Variants in TNRC6B observed in about 807,000 individuals in gnomAD.
TNRC6B encodes the protein trinucleotide repeat containing adaptor 6B, also known as trinucleotide repeat-containing gene 6B protein.
Under a neutral mutation model 203.6 loss-of-function variants are expected in TNRC6B, and 52 were observed. That is an observed-to-expected ratio of 0.26 (90% CI 0.20 to 0.32). The LOEUF (loss-of-function observed/expected upper bound fraction) is 0.32, where lower values mean the gene tolerates loss of function less well. Ranked by LOEUF, TNRC6B falls within the 10% of genes least tolerant of loss-of-function variation. The pLI, the probability that TNRC6B is intolerant of heterozygous loss-of-function variation, is 1.00. For synonymous variants in TNRC6B, 838 were observed against 845.7 expected, an observed-to-expected ratio of 0.99 and a Z score of 0.16; for missense variants, 1,923 against 2,286.2, an observed-to-expected ratio of 0.84 and a Z score of 3.24.
intron 17 of TNRC6B, among the ~76,000 whole-genome samples, chr22:40,311,452 G>C (rs927280385): frequency 1.3e-5 from 2 of 152,172 alleles, no homozygotes; most frequent in Middle Eastern, 3.4e-3. Context: ...ATTAAAATCA[G>C]TAATTCCATA....
chr22:40,161,543 T>G (rs992289868), intron 4 of TNRC6B, among the ~76,000 whole-genome samples: 2 of 152,238 alleles, frequency 1.3e-5, no homozygotes, highest in Non-Finnish European at 2.9e-5. Flanking sequence ...GATGTTTATT[T>G]CAATAGAACT....
At chr22:40,046,910 G>A (rs1261186279) in intron 1 of TNRC6B, among the ~76,000 whole-genome samples, 2 of 152,122 alleles carry the variant, frequency 1.3e-5, no homozygotes, top group African/African-American at 4.8e-5. Context: ...CTCCCAAAGT[G>A]CTGGGATTAC....
intron 1 of TNRC6B, among the ~76,000 whole-genome samples, chr22:40,074,993 T>G (rs59046071): frequency 0.044 from 6,667 of 151,578 alleles, 444 homozygotes; most frequent in African/African-American, 0.14. Context: ...CACATGCAAT[T>G]TCAGTCCTTT....
intron 7 of TNRC6B, among the ~76,000 whole-genome samples, chr22:40,274,110 G>A (rs1398608258): frequency 6.6e-6 from 1 of 152,042 alleles, no homozygotes; most frequent in Non-Finnish European, 1.5e-5. Context: ...GTTGCTGTGG[G>A]TAAAATGAAG....
intron 3 of TNRC6B, among the ~76,000 whole-genome samples, chr22:40,132,861 G>A (rs564668473): frequency 6.3e-4 from 89 of 140,242 alleles, no homozygotes; most frequent in South Asian, 1.4e-3. Flanking sequence ...GGAGAATGGC[G>A]TGAACCTGGA....
chr22:40,212,699 C>T (rs1247548417), intron 1 of TNRC6B, among the ~76,000 whole-genome samples: 3 of 152,058 alleles, frequency 2.0e-5, no homozygotes, highest in Non-Finnish European at 4.4e-5. Context: ...GAGACACAGT[C>T]TCACTCTGTT....
chr22:40,159,135 C>T (rs140695498), intron 4 of TNRC6B, among the ~76,000 whole-genome samples: 40,104 of 150,736 alleles, frequency 0.27, 5,849 homozygotes, highest in African/African-American at 0.38. Flanking sequence ...GCTGATTTTT[C>T]TGTATTTTTA....
intron 1 of TNRC6B, among the ~76,000 whole-genome samples, chr22:40,102,860 C>T (rs191952663): frequency 4.1e-4 from 63 of 152,188 alleles, no homozygotes; most frequent in African/African-American, 1.4e-3. Flanking sequence ...CGGTGGATCA[C>T]GAGGTCAGGA....
At chr22:40,249,695 T>C (rs2070158886) in intron 2 of TNRC6B, among the ~76,000 whole-genome samples, 1 of 152,196 alleles carries the variant, frequency 6.6e-6, no homozygotes, top group Non-Finnish European at 1.5e-5. Flanking sequence ...TTCTAAGAAA[T>C]AGTTACAATG....
chr22:40,130,843 A>C (rs961824682), intron 3 of TNRC6B, among the ~76,000 whole-genome samples: 1 of 152,012 alleles, frequency 6.6e-6, no homozygotes, highest in South Asian at 2.1e-4. Flanking sequence ...GGTTTACAAA[A>C]TATCCAGGTA....
chr22:40,129,793 G>C (rs1177745381), intron 3 of TNRC6B, among the ~76,000 whole-genome samples: 2 of 152,178 alleles, frequency 1.3e-5, no homozygotes, highest in East Asian at 3.8e-4. Flanking sequence ...AAATGGAGTG[G>C]AGAATACATG....
intron 4 of TNRC6B, among the ~76,000 whole-genome samples, chr22:40,163,517 CT>C (rs1280133776): frequency 7.6e-6 from 1 of 132,142 alleles, no homozygotes; most frequent in African/African-American, 2.8e-5. Context: ...AATCCCAGCA[CT>C]TTGGGAGGCC....
rs1443136818 is a variant in TNRC6B, at chr22:40,325,029, G to C, written c.*1788G>C. 6.6e-6 allele frequency: 1 copy of C among 152,612 alleles called. No homozygotes were observed. Among genetic ancestry groups the C allele is most frequent in the East Asian group, 1.9e-4 (1 of 5,192 alleles). 9.5% of individuals were successfully genotyped at this position (152,612 alleles called of 1,614,324 possible). On this transcript the variant is annotated 3_prime_UTR_variant, in exon 23 of 23. Coordinates refer to ENST00000454349, the MANE Select transcript of TNRC6B (RefSeq NM_001162501.2). ...CAGACCTGAAGGGGGCGAAAAACCA[G>C]ATAGGGTGGGGGGATGGATGCCGGT...
At chr22:40,277,835 A>G (rs2070666851) in intron 8 of TNRC6B, among the ~76,000 whole-genome samples, 164 bp from the exon 9 acceptor site, 1 of 152,236 alleles carries the variant, frequency 6.6e-6, no homozygotes. Context: ...ACAGCAATCA[A>G]GCTAGCATAT....
intron 1 of TNRC6B, among the ~76,000 whole-genome samples, chr22:40,240,074 G>T (rs553945783): frequency 6.6e-6 from 1 of 152,124 alleles, no homozygotes; most frequent in South Asian, 2.1e-4. Context: ...CTCATGATTT[G>T]CCCGCCTCAG....
chr22:40,261,786 G>T (rs1163835207), intron 3 of TNRC6B, 46 bp from the exon 4 acceptor site: 9 of 1,364,470 alleles, frequency 6.6e-6, no homozygotes, highest in Non-Finnish European at 8.7e-6. Context: ...TAGAAAAAAT[G>T]TATTTGATGT....
At chr22:40,105,178 A>T (rs1473367963) in intron 1 of TNRC6B, among the ~76,000 whole-genome samples, 2 of 152,238 alleles carry the variant, frequency 1.3e-5, no homozygotes, top group African/African-American at 2.4e-5. Flanking sequence ...AGGGCCTGGC[A>T]GGCCATCCGA....
intron 3 of TNRC6B, among the ~76,000 whole-genome samples, chr22:40,138,734 G>T (rs939292422): frequency 3.3e-5 from 5 of 152,126 alleles, no homozygotes; most frequent in Non-Finnish European, 7.4e-5. Context: ...TGGGAGATGA[G>T]AAAAGGCTCA....
chr22:40,291,412 C>T (rs765382106), intron 12 of TNRC6B, among the ~76,000 whole-genome samples: 15 of 152,008 alleles, frequency 9.9e-5, no homozygotes, highest in Non-Finnish European at 1.9e-4. Flanking sequence ...ACAAGATAAC[C>T]ACACACAGTT....
Sources: allele counts gnomAD v4.1 joint callset (sites outside exome capture counted in the v4.1 genomes callset), GRCh38; gene constraint gnomAD v4.1.1; transcripts MANE v1.5; gene names NCBI Gene and HGNC (gene_info 2026-07-23, HGNC 2026-07-21).